The following ULK4 variants were observed in gnomAD, a reference collection of about 807,000 sequenced individuals.
ULK4 encodes unc-51 like kinase 4.
In ULK4, 133 loss-of-function variants were observed where a neutral mutation model predicts 160.6. The ratio of observed to expected loss-of-function variants is 0.83; its 90% CI spans 0.72 to 0.96. The LOEUF (loss-of-function observed/expected upper bound fraction) is 0.96, where lower values mean the gene tolerates loss of function less well. ULK4 is among the 40% of genes least tolerant of loss of function. ULK4 has a pLI of 0.00. For missense variants in ULK4, 1,580 were observed against 1,499.5 expected (o/e 1.05, Z -0.89); for synonymous variants, 534 against 539.8 (o/e 0.99, Z 0.15).
chr3:41,397,886 T>C (rs372487652), intron 35 of ULK4, among the ~76,000 whole-genome samples, 193 bp downstream of exon 35: 2 of 152,172 alleles, frequency 1.3e-5, no homozygotes, highest in Non-Finnish European at 2.9e-5. Flanking sequence ...GAAAAAAGTA[T>C]GTATATATGC....
At chr3:41,950,948 T>C (rs2148841131) in intron 2 of ULK4, among the ~76,000 whole-genome samples, 1 of 151,444 alleles carries the variant, frequency 6.6e-6, no homozygotes, top group South Asian at 2.1e-4. Context: ...ATGGAGACCA[T>C]CCTGGCTAAC....
At chr3:41,787,734 TACC>T (rs2040038292) in intron 21 of ULK4, among the ~76,000 whole-genome samples, 1 of 152,218 alleles carries the variant, frequency 6.6e-6, no homozygotes. Flanking sequence ...ATGTGTTATC[TACC>T]ACAATAAAAA....
chr3:41,822,678 C>T (rs1392160016), intron 18 of ULK4, among the ~76,000 whole-genome samples: 1 of 150,472 alleles, frequency 6.6e-6, no homozygotes, highest in African/African-American at 2.5e-5. Flanking sequence ...CTCAGCCTCC[C>T]AAAGTGCTGG....
chr3:41,324,564 A>G (rs1314699700), intron 35 of ULK4, among the ~76,000 whole-genome samples: 2 of 152,238 alleles, frequency 1.3e-5, no homozygotes, highest in African/African-American at 4.8e-5. Flanking sequence ...ACTGCCAATT[A>G]GAGAAGCAGG....
In ULK4 at chr3:41,705,244, G is replaced by T. The variant is rs1359487692; in HGVS notation, c.2686+10C>A. 2.5e-6 allele frequency: 4 copies of T among 1,613,042 alleles called. No homozygotes were observed. In the African/African-American group the frequency reaches 4.0e-5, roughly 16 times the overall value. On this transcript the variant is annotated intron_variant, in intron 26 of 36. Coordinates refer to ENST00000301831, the MANE Select transcript of ULK4 (RefSeq NM_017886.4). ...AAACAAAGACACAAAATGTTCCAGG[G>T]TCTACTCACCTATGGCTCCATCTAT... is the stretch of plus-strand genomic sequence containing the variant.
chr3:41,265,521 T>C (rs1382058883), intron 35 of ULK4, among the ~76,000 whole-genome samples: 1 of 152,134 alleles, frequency 6.6e-6, no homozygotes, highest in Admixed American at 6.5e-5. Flanking sequence ...GAAAGGAAAA[T>C]TGAAGCACAC....
At chr3:41,426,936 CAG>C (rs1378555753) in intron 34 of ULK4, among the ~76,000 whole-genome samples, 1 of 151,924 alleles carries the variant, frequency 6.6e-6, no homozygotes, top group Non-Finnish European at 1.5e-5. Context: ...CTGAAGGAGA[CAG>C]AGACACAAAA....
chr3:41,353,747 CTACT>C (rs2080971456), intron 35 of ULK4, among the ~76,000 whole-genome samples: 1 of 137,434 alleles, frequency 7.3e-6, no homozygotes, highest in Non-Finnish European at 1.6e-5. Flanking sequence ...ACTACTACTA[CTACT>C]AAAGCAAAAC....
intron 34 of ULK4, among the ~76,000 whole-genome samples, chr3:41,409,111 C>T (rs1187356191): frequency 6.6e-6 from 1 of 151,964 alleles, no homozygotes; most frequent in Non-Finnish European, 1.5e-5. Flanking sequence ...CAAAAATTAG[C>T]CAGACACGGG....
chr3:41,400,101 T>G (rs896202077), intron 34 of ULK4, among the ~76,000 whole-genome samples: 34 of 152,182 alleles, frequency 2.2e-4, no homozygotes, highest in African/African-American at 8.0e-4. Flanking sequence ...TTCAGAGAGA[T>G]TCCATATATA....
chr3:41,431,954 T>TA (rs2082924074), intron 34 of ULK4, among the ~76,000 whole-genome samples: 1 of 151,916 alleles, frequency 6.6e-6, no homozygotes, highest in Admixed American at 6.6e-5. Flanking sequence ...CACGCCCGGC[T>TA]AATTTTTATG....
intron 32 of ULK4, among the ~76,000 whole-genome samples, chr3:41,516,315 T>C (rs1225818012): frequency 1.3e-5 from 2 of 152,212 alleles, no homozygotes; most frequent in African/African-American, 4.8e-5. Context: ...TACTGTACTT[T>C]CTGCACTCAC....
intron 21 of ULK4, among the ~76,000 whole-genome samples, chr3:41,765,835 AAAGT>A (rs1388039478): frequency 1.3e-5 from 2 of 152,238 alleles, no homozygotes; most frequent in Non-Finnish European, 2.9e-5. Context: ...TATCAATTAA[AAAGT>A]ATGTATGAAC....
At chr3:41,659,716 T>C (rs2035077410) in intron 30 of ULK4, among the ~76,000 whole-genome samples, 1 of 151,840 alleles carries the variant, frequency 6.6e-6, no homozygotes, top group Non-Finnish European at 1.5e-5. Context: ...GATACATCAA[T>C]ACATTTATAG....
intron 32 of ULK4, among the ~76,000 whole-genome samples, chr3:41,558,957 T>C (rs1239762363): frequency 1.5e-5 from 2 of 137,284 alleles, no homozygotes; most frequent in Non-Finnish European, 3.3e-5. Flanking sequence ...ACATGTGCCA[T>C]GCTGGTGTGC....
intron 2 of ULK4, among the ~76,000 whole-genome samples, chr3:41,939,178 T>TGAG (rs1559663774): frequency 2.4e-5 from 3 of 127,330 alleles, no homozygotes; most frequent in South Asian, 2.7e-4. Context: ...TTTTTTTTTT[T>TGAG]GAGGAGGAGT....
At chr3:41,854,313 C>T (rs1328251455) in intron 17 of ULK4, 2 of 152,202 alleles carry the variant, frequency 1.3e-5, no homozygotes, top group Non-Finnish European at 2.9e-5. Flanking sequence ...GAAGGGGACA[C>T]CAGCATCTTT....
At chr3:41,255,343 C>T (rs1206572761) in intron 35 of ULK4, among the ~76,000 whole-genome samples, 1 of 152,028 alleles carries the variant, frequency 6.6e-6, no homozygotes, top group African/African-American at 2.4e-5. Flanking sequence ...ATTAGCTGGG[C>T]ATGGTGGCAC....
chr3:41,538,155 T>A (rs1395008930), intron 32 of ULK4, among the ~76,000 whole-genome samples: 2 of 152,120 alleles, frequency 1.3e-5, no homozygotes, highest in Admixed American at 6.6e-5. Flanking sequence ...AGATCCTTCA[T>A]CTTTCTTTTG....
Sources: gnomAD v4.1 joint callset for allele counts (sites outside exome capture counted in the v4.1 genomes callset) on GRCh38, gnomAD v4.1.1 for gene constraint, MANE v1.5 for transcripts, NCBI Gene and HGNC (gene_info 2026-07-23, HGNC 2026-07-21) for gene names.